Variants in CCNYL1 observed in about 807,000 individuals in gnomAD.
CCNYL1 encodes the protein cyclin-Y-like protein 1.
CCNYL1 carries 16 observed loss-of-function variants against 44.2 expected under a neutral mutation model. The observed-to-expected ratio is 0.36, with a 90% CI of 0.25 to 0.55. The LOEUF (loss-of-function observed/expected upper bound fraction) is 0.55. CCNYL1 is among the 20% of genes least tolerant of loss of function. The probability of loss-of-function intolerance (pLI) is 0.85; values close to 1 mark genes in which losing one functional copy is unlikely to be tolerated. For missense variants in CCNYL1, 348 were observed against 451.8 expected, an observed-to-expected ratio of 0.77 and a Z score of 2.08; for synonymous variants, 159 against 163.2, an observed-to-expected ratio of 0.97 and a Z score of 0.20.
intron 7 of CCNYL1, among the ~76,000 whole-genome samples, chr2:207,744,246 G>GTA (rs2091836082): frequency 6.6e-6 from 1 of 152,112 alleles, no homozygotes; most frequent in Non-Finnish European, 1.5e-5. Context: ...GTGTGTGTGT[G>GTA]TGTTCAAGGA....
Position 207,754,775 on chromosome 2 carries a change from C to G in CCNYL1, c.*1077C>G, listed in dbSNP as rs1375836625. 5 of 154,198 alleles carry G rather than the reference C, an allele frequency of 3.2e-5. No individual in the cohort carries two copies. The highest frequency in any genetic ancestry group is 7.3e-5 in the Non-Finnish European group (5 of 68,202). The allele number at this position is 154,198 out of a possible 1,614,324, so 9.6% of individuals were successfully genotyped here. The stretch of plus-strand genomic sequence containing the variant: ...GCCTCAGCCACACAAGTAGCTGGGA[C>G]TACAAGTGCAACTGGCACCTGTCTC... On this transcript the variant is annotated 3_prime_UTR_variant, in exon 10 of 10. Transcript: ENST00000295414.
intron 4 of CCNYL1, among the ~76,000 whole-genome samples, chr2:207,734,700 T>A (rs2091752209): frequency 6.6e-6 from 1 of 152,248 alleles, no homozygotes. Flanking sequence ...TTAATGTCCT[T>A]ATCCCTAATT....
At chr2:207,736,026 G>A (rs752780125) in intron 4 of CCNYL1, among the ~76,000 whole-genome samples, 33 of 152,214 alleles carry the variant, frequency 2.2e-4, no homozygotes, top group Non-Finnish European at 4.6e-4. Context: ...GAGAACCACT[G>A]CTTAATTGAA....
At position 207,732,123 on chromosome 2, in the gene CCNYL1, T is replaced by C. The variant is rs115842206; in HGVS notation, c.331-1824T>C. 5.1e-3 allele frequency among the ~76,000 whole-genome samples: 777 copies of C among 152,282 alleles called. 7 individuals are homozygous for C. The highest frequency in any genetic ancestry group is 0.017 in the African/African-American group (723 of 41,556). ...CCGTGCCCAGCCCCACCTTCCACTTTGAATGAATGTATTTGAATGAGTCAG... is the reference window on the plus strand; with the variant it reads ...CCGTGCCCAGCCCCACCTTCCACTTCGAATGAATGTATTTGAATGAGTCAG... On this transcript the variant is annotated intron_variant, in intron 3 of 9. Transcript: ENST00000295414.
At chr2:207,750,197 A>AT (rs1217611535) in intron 8 of CCNYL1, among the ~76,000 whole-genome samples, 1 of 152,184 alleles carries the variant, frequency 6.6e-6, no homozygotes, top group Non-Finnish European at 1.5e-5. Flanking sequence ...ACCATAAGTC[A>AT]TATCATAAAA....
At chr2:207,739,213 G>T (rs542141916) in intron 5 of CCNYL1, among the ~76,000 whole-genome samples, 7 of 151,728 alleles carry the variant, frequency 4.6e-5, no homozygotes, top group Non-Finnish European at 1.0e-4. Context: ...GAAGTGACAG[G>T]CTTCATTTTT....
chr2:207,742,201 A>G (rs1425813279), intron 6 of CCNYL1, 22 bp from the exon 7 acceptor site: 5 of 1,589,832 alleles, frequency 3.1e-6, no homozygotes, highest in Admixed American at 3.8e-5. Flanking sequence ...GGATACTAAC[A>G]TTGCATCTTT....
At chr2:207,740,161 T>A (rs528831268) in intron 5 of CCNYL1, among the ~76,000 whole-genome samples, 2 of 152,332 alleles carry the variant, frequency 1.3e-5, no homozygotes, top group African/African-American at 4.8e-5. Flanking sequence ...CCTTGTCTCT[T>A]TTAAAATAAA....
chr2:207,748,263 G>A (rs1240500579), intron 8 of CCNYL1, among the ~76,000 whole-genome samples: 1 of 152,136 alleles, frequency 6.6e-6, no homozygotes, highest in East Asian at 1.9e-4. Flanking sequence ...AGCACTGCTG[G>A]GGCATCATCC....
In CCNYL1 at chr2:207,711,863, C is replaced by G. The variant is rs550140361; in HGVS notation, c.-34C>G. The G allele has an allele frequency of 1.0e-5, 14 of 1,337,316 alleles. No homozygotes were observed. The highest frequency in any genetic ancestry group is 3.7e-5 in the South Asian group (2 of 54,678). The allele number at this position is 1,337,316 out of a possible 1,614,324, so 82.8% of individuals were successfully genotyped here. A position where few individuals can be genotyped will look rare whatever the true frequency, so the allele number is the denominator to read the frequency against. On this transcript the variant is annotated 5_prime_UTR_variant, in exon 1 of 10. Coordinates refer to ENST00000295414, the MANE Select transcript of CCNYL1 (RefSeq NM_001330218.2). ...TGAGGGCGGCGGAGTAGGGGGCGAG[C>G]GAAGGCGGTGGCAGAGAGGAGCGGA...
intron 8 of CCNYL1, among the ~76,000 whole-genome samples, chr2:207,750,267 G>A (rs6744579): frequency 0.16 from 23,627 of 152,126 alleles, 3,037 homozygotes; most frequent in East Asian, 0.38. Context: ...AGTTTAAAGA[G>A]TATCCTCACC....
At chr2:207,715,891 G>T (rs2091590635) in intron 1 of CCNYL1, among the ~76,000 whole-genome samples, 1 of 151,224 alleles carries the variant, frequency 6.6e-6, no homozygotes, top group South Asian at 2.1e-4. Context: ...GGCCAGGCTG[G>T]TCTGGAACTC....
intron 1 of CCNYL1, among the ~76,000 whole-genome samples, chr2:207,712,835 G>C (rs1418375783): frequency 2.6e-5 from 4 of 152,138 alleles, no homozygotes; most frequent in Non-Finnish European, 5.9e-5. Context: ...TTTTTGAGAC[G>C]GAATCTCGTT....
Position 207,724,659 on chromosome 2 carries a change from A to G in CCNYL1, c.221-141A>G, listed in dbSNP as rs572361324. ...TTGCATTCCCCAGGAGTATTTTTGT[A>G]TTGTCTTTATTTCCTTTATATTTAT... On this transcript the variant is annotated intron_variant, in intron 1 of 9. Transcript: ENST00000295414. 69 of 641,674 alleles carry G rather than the reference A, an allele frequency of 1.1e-4. No homozygotes were observed. In the South Asian group the frequency reaches 1.4e-3, roughly 13 times the overall value. The allele number at this position is 641,674 out of a possible 1,614,324, so 39.7% of individuals were successfully genotyped here.
intron 1 of CCNYL1, among the ~76,000 whole-genome samples, chr2:207,717,536 C>A (rs897284457): frequency 1.3e-5 from 2 of 152,040 alleles, no homozygotes; most frequent in African/African-American, 2.4e-5. Context: ...TGGTGAGGTG[C>A]TAGGGAGAAA....
At chr2:207,750,347 A>G (rs905378226) in intron 8 of CCNYL1, among the ~76,000 whole-genome samples, 2 of 152,174 alleles carry the variant, frequency 1.3e-5, no homozygotes, top group African/African-American at 4.8e-5. Context: ...GCCCTTTGAC[A>G]TAGCCTCATG....
chr2:207,721,734 G>GA (rs2091641544), intron 1 of CCNYL1, among the ~76,000 whole-genome samples: 1 of 141,150 alleles, frequency 7.1e-6, no homozygotes, highest in Non-Finnish European at 1.6e-5. Context: ...GGAGTTTTTT[G>GA]TTTTTTTTTT....
At position 207,754,224 on chromosome 2, in the gene CCNYL1, C is replaced by G. The variant is rs1302392497; in HGVS notation, c.*526C>G. 1 of 152,646 alleles carries G rather than the reference C, an allele frequency of 6.6e-6. No individual in the cohort carries two copies. Among genetic ancestry groups the G allele is most frequent in the African/African-American group, 2.4e-5 (1 of 41,440 alleles). 9.5% of individuals were successfully genotyped at this position (152,646 alleles called of 1,614,324 possible). On this transcript the variant is annotated 3_prime_UTR_variant, in exon 10 of 10. Transcript: ENST00000295414. ...AAGGGTTCTTCCTCCCTACTGTTAC[C>G]ATTGAAGCTGCTAGTCATTGGCAAT...
At chr2:207,722,459 G>A (rs897533076) in intron 1 of CCNYL1, among the ~76,000 whole-genome samples, 2 of 152,072 alleles carry the variant, frequency 1.3e-5, no homozygotes, top group African/African-American at 4.8e-5. Flanking sequence ...ATTTGGGGCG[G>A]GGGAGGTGTG....
Sources: gnomAD v4.1 joint callset for allele counts (sites outside exome capture counted in the v4.1 genomes callset) on GRCh38, gnomAD v4.1.1 for gene constraint, MANE v1.5 for transcripts, NCBI Gene and HGNC (gene_info 2026-07-23, HGNC 2026-07-21) for gene names.